Variants in AP3B1 observed in about 807,000 individuals in gnomAD.
AP3B1 encodes AP-3 complex subunit beta-1.
Under a neutral mutation model 132.5 loss-of-function variants are expected in AP3B1, and 61 were observed. That is an observed-to-expected ratio of 0.46 (90% CI 0.37 to 0.57). AP3B1 has a LOEUF of 0.57. AP3B1 is among the 20% of genes least tolerant of loss of function. The pLI is 0.00. For synonymous variants in AP3B1, 388 were observed against 438.3 expected (o/e 0.89, Z 1.43); for missense variants, 1,120 against 1,289.4 (o/e 0.87, Z 2.01).
intron 2 of AP3B1, among the ~76,000 whole-genome samples, chr5:78,260,375 T>G (rs1440496441): frequency 6.6e-6 from 1 of 151,318 alleles, no homozygotes; most frequent in Non-Finnish European, 1.5e-5. Flanking sequence ...TCACCAGAGG[T>G]CAGATCACCA....
At chr5:78,086,608 A>G (rs951019761) in intron 22 of AP3B1, among the ~76,000 whole-genome samples, 1 of 152,148 alleles carries the variant, frequency 6.6e-6, no homozygotes, top group Non-Finnish European at 1.5e-5. Flanking sequence ...GGAGGGAGGG[A>G]CAGTAAAAGA....
intron 2 of AP3B1, among the ~76,000 whole-genome samples, chr5:78,251,820 G>C (rs1055930250): frequency 1.1e-4 from 17 of 152,208 alleles, no homozygotes; most frequent in Non-Finnish European, 2.5e-4. Flanking sequence ...ACAATGGAGG[G>C]AGCACGCAAC....
At chr5:78,034,500 A>G (rs1439885579) in intron 23 of AP3B1, 55 bp from the exon 24 acceptor site, 14 of 1,300,126 alleles carry the variant, frequency 1.1e-5, no homozygotes, top group African/African-American at 5.8e-5. Context: ...AAAAGAGGCA[A>G]ACTAAACACT....
At chr5:78,234,676 TACA>T (rs1353194056) in intron 3 of AP3B1, among the ~76,000 whole-genome samples, 1 of 152,238 alleles carries the variant, frequency 6.6e-6, no homozygotes, top group Non-Finnish European at 1.5e-5. Context: ...GGCTATTTAG[TACA>T]ACAACCATTT....
intron 21 of AP3B1, among the ~76,000 whole-genome samples, chr5:78,090,040 T>C (rs546874129): frequency 6.6e-5 from 10 of 152,318 alleles, no homozygotes; most frequent in Admixed American, 1.3e-4. Context: ...AACTGATACC[T>C]GTAAGTTTGG....
At chr5:78,096,645 CG>C (rs1214985062) in intron 21 of AP3B1, among the ~76,000 whole-genome samples, 1 of 148,386 alleles carries the variant, frequency 6.7e-6, no homozygotes, top group South Asian at 2.2e-4. Context: ...ATGTGAGGAG[CG>C]CCTCTGCCCG....
intron 4 of AP3B1, 96 bp downstream of exon 4, chr5:78,228,048 T>A: frequency 1.3e-6 from 1 of 775,308 alleles, no homozygotes. Flanking sequence ...GACACTACTG[T>A]GCTATTTAGT....
intron 26 of AP3B1, among the ~76,000 whole-genome samples, chr5:78,008,428 G>A (rs2112038514): frequency 6.6e-6 from 1 of 152,230 alleles, no homozygotes; most frequent in African/African-American, 2.4e-5. Context: ...GTGCAGTTTG[G>A]TTACTTCTGA....
intron 7 of AP3B1, among the ~76,000 whole-genome samples, chr5:78,202,130 T>A (rs1158469576): frequency 6.6e-6 from 1 of 152,146 alleles, no homozygotes; most frequent in African/African-American, 2.4e-5. Context: ...AAGGGGAGTT[T>A]CCCTGCACAA....
chr5:78,077,263 C>T (rs1041725955), intron 22 of AP3B1, among the ~76,000 whole-genome samples: 1 of 152,056 alleles, frequency 6.6e-6, no homozygotes, highest in Non-Finnish European at 1.5e-5. Flanking sequence ...GTTTGTGATC[C>T]ACAAGGATCA....
At chr5:78,029,960 AC>A (rs1284499188) in intron 24 of AP3B1, among the ~76,000 whole-genome samples, 3 of 151,308 alleles carry the variant, frequency 2.0e-5, no homozygotes, top group East Asian at 3.9e-4. Flanking sequence ...CATAACAAGA[AC>A]CCTAGTATAC....
chr5:78,117,954 A>G (rs1751933833), intron 17 of AP3B1, among the ~76,000 whole-genome samples: 1 of 152,228 alleles, frequency 6.6e-6, no homozygotes, highest in Non-Finnish European at 1.5e-5. Context: ...CCTATGTGCA[A>G]GTCTTTGCTA....
chr5:78,286,733 T>C (rs1306878320), intron 1 of AP3B1, among the ~76,000 whole-genome samples: 1 of 152,230 alleles, frequency 6.6e-6, no homozygotes, highest in Non-Finnish European at 1.5e-5. Context: ...GACAGTGGAC[T>C]TCTAATTAGG....
intron 17 of AP3B1, among the ~76,000 whole-genome samples, chr5:78,117,309 G>A (rs1195383802): frequency 7.0e-6 from 1 of 143,810 alleles, no homozygotes; most frequent in Non-Finnish European, 1.5e-5. Flanking sequence ...AATATTTTGT[G>A]CAATTTTTTT....
At chr5:78,265,953 T>C (rs1399323222) in intron 2 of AP3B1, among the ~76,000 whole-genome samples, 2 of 152,202 alleles carry the variant, frequency 1.3e-5, no homozygotes, top group African/African-American at 4.8e-5. Context: ...AAATGTCACA[T>C]GTGTTTCTTA....
chr5:78,136,884 ATAT>A (rs1284760466), intron 15 of AP3B1, among the ~76,000 whole-genome samples: 1 of 152,172 alleles, frequency 6.6e-6, no homozygotes, highest in African/African-American at 2.4e-5. Context: ...AAAATTGACT[ATAT>A]TATAATAATT....
At chr5:78,256,790 G>A (rs551284165) in intron 2 of AP3B1, among the ~76,000 whole-genome samples, 21 of 151,994 alleles carry the variant, frequency 1.4e-4, no homozygotes, top group Non-Finnish European at 2.1e-4. Context: ...AGAAAGCTGA[G>A]TTCAACAATA....
At chr5:78,247,185 C>T (rs1445452800) in intron 2 of AP3B1, among the ~76,000 whole-genome samples, 3 of 151,088 alleles carry the variant, frequency 2.0e-5, no homozygotes, top group Non-Finnish European at 4.4e-5. Flanking sequence ...AGATAACACA[C>T]TTGCATAATT....
chr5:78,161,475 T>C (rs973779303), intron 13 of AP3B1, among the ~76,000 whole-genome samples: 3 of 152,012 alleles, frequency 2.0e-5, no homozygotes, highest in African/African-American at 7.2e-5. Flanking sequence ...TTTGGTTGAA[T>C]AGAAAGTCAT....
Sources: gnomAD v4.1 joint callset for allele counts (sites outside exome capture counted in the v4.1 genomes callset) on GRCh38, gnomAD v4.1.1 for gene constraint, MANE v1.5 for transcripts, NCBI Gene and HGNC (gene_info 2026-07-23, HGNC 2026-07-21) for gene names.